CHRNB3: variants seen among roughly 807,000 people sequenced by gnomAD.
CHRNB3 encodes cholinergic receptor nicotinic beta 3 subunit.
Under a neutral mutation model 40.6 loss-of-function variants are expected in CHRNB3, and 37 were observed. The ratio of observed to expected loss-of-function variants is 0.91; its 90% confidence interval spans 0.70 to 1.20. The LOEUF is 1.20. Ranked by LOEUF, CHRNB3 falls within the 50% of genes most tolerant of loss-of-function variation. CHRNB3 has a pLI of 0.00. For missense variants in CHRNB3, 505 were observed against 551.2 expected (o/e 0.92, Z 0.84); for synonymous variants, 207 against 207.1 (o/e 1.00, Z 0.00).
At chr8:42,706,178 G>A (rs900912676) in intron 1 of CHRNB3, among the ~76,000 whole-genome samples, 6 of 152,182 alleles carry the variant, frequency 3.9e-5, no homozygotes, top group Admixed American at 6.5e-5. Context: ...TGGGCTCTCC[G>A]GGTAAGGGTA....
intron 4 of CHRNB3, 70 bp downstream of exon 4, chr8:42,730,773 G>C (rs924456017): frequency 2.1e-6 from 2 of 961,550 alleles, no homozygotes; most frequent in Non-Finnish European, 3.0e-6. Flanking sequence ...AAAAGGCTGG[G>C]CGCGGTGGCT....
chr8:42,725,782 TC>T, intron 3 of CHRNB3: 1 of 894,044 alleles, frequency 1.1e-6, no homozygotes, highest in Non-Finnish European at 1.9e-6. Context: ...CAAAATGAGT[TC>T]CCAGACAGAC....
At chr8:42,698,245 G>T (rs1815711826) in intron 1 of CHRNB3, among the ~76,000 whole-genome samples, 1 of 152,134 alleles carries the variant, frequency 6.6e-6, no homozygotes, top group South Asian at 2.1e-4. Context: ...AAAGAAAGGG[G>T]AATAAAGTAC....
At chr8:42,701,507 G>A (rs1815798051) in intron 1 of CHRNB3, among the ~76,000 whole-genome samples, 1 of 152,084 alleles carries the variant, frequency 6.6e-6, no homozygotes, top group East Asian at 1.9e-4. Context: ...TCATGCCACT[G>A]CACCCCAGCT....
In CHRNB3 at chr8:42,725,860, GT is replaced by G. The variant is rs1308421589; in HGVS notation, c.250-4733del. The G allele has an allele frequency of 3.7e-6, 3 of 812,194 alleles. No homozygotes were observed. In the African/African-American group the frequency reaches 5.0e-5, roughly 14 times the overall value. 50.3% of individuals were successfully genotyped at this position (812,194 alleles called of 1,614,324 possible). On this transcript the variant is annotated intron_variant, in intron 3 of 5. Transcript: ENST00000289957. The stretch of plus-strand genomic sequence containing the variant: ...ACGCAGCATTTTTAGGTTCTGGGGG[GT>G]GACTTTTACAAAGACACCACTAAAA...
At chr8:42,698,945 G>A (rs1815728763) in intron 1 of CHRNB3, among the ~76,000 whole-genome samples, 1 of 152,178 alleles carries the variant, frequency 6.6e-6, no homozygotes, top group East Asian at 1.9e-4. Context: ...CTTGGCCTCT[G>A]GCATTGGTCT....
intron 1 of CHRNB3, among the ~76,000 whole-genome samples, chr8:42,708,087 C>T (rs945490210): frequency 9.2e-5 from 14 of 152,238 alleles, no homozygotes; most frequent in African/African-American, 2.4e-4. Flanking sequence ...AGGTAGGGGT[C>T]GGGGTGGCTG....
chr8:42,701,628 G>A (rs1815802271), intron 1 of CHRNB3, among the ~76,000 whole-genome samples: 1 of 152,146 alleles, frequency 6.6e-6, no homozygotes, highest in Non-Finnish European at 1.5e-5. Context: ...TGTTACTAGG[G>A]ACCTTATCAA....
In CHRNB3 at chr8:42,737,012, A is replaced by G. The variant is rs1227402717; in HGVS notation, c.*394A>G. 1.0e-5 allele frequency: 2 copies of G among 193,364 alleles called. No homozygotes were observed. The highest frequency in any genetic ancestry group is 2.1e-5 in the Non-Finnish European group (2 of 94,930). The allele number at this position is 193,364 out of a possible 1,614,324, so 12.0% of individuals were successfully genotyped here. On this transcript the variant is annotated 3_prime_UTR_variant, in exon 6 of 6. Transcript: ENST00000289957. Reference sequence around the variant, plus strand: ...TGGAATTAAGGAAGTCTCGGTGTCGAGCTATCTGTGTGGGCAGAGCCTGGA... The same window carrying G: ...TGGAATTAAGGAAGTCTCGGTGTCGGGCTATCTGTGTGGGCAGAGCCTGGA...
chr8:42,710,525 G>T, intron 3 of CHRNB3, 91 bp downstream of exon 3: 3 of 1,005,402 alleles, frequency 3.0e-6, no homozygotes, highest in East Asian at 2.5e-5. Context: ...TATTTAAGAG[G>T]GCATATTGTG....
chr8:42,733,682 T>G (rs1447720042), intron 5 of CHRNB3, among the ~76,000 whole-genome samples: 1 of 141,454 alleles, frequency 7.1e-6, no homozygotes, highest in African/African-American at 2.6e-5. Flanking sequence ...AACCTCCGCC[T>G]GCTGGGTTCA....
Position 42,697,613 on chromosome 8 carries a change from C to T in CHRNB3, c.52+15C>T, listed in dbSNP as rs1815699468. On this transcript the variant is annotated intron_variant, in intron 1 of 5. Coordinates refer to ENST00000289957, the MANE Select transcript of CHRNB3 (RefSeq NM_000749.5). ...CCCTTCCTCAGGTAAGCACAAGTCA[C>T]AGTAAATTAAAACTACAGTTGCAGA... 1.2e-6 allele frequency: 2 copies of T among 1,605,022 alleles called. No individual in the cohort carries two copies. The highest frequency in any genetic ancestry group is 8.5e-7 in the Non-Finnish European group (1 of 1,172,120).
In CHRNB3 at chr8:42,732,976, G is replaced by T. The variant is rs1019792326; in HGVS notation, c.1242+427G>T. ...TTTTTAAATTAATATAAAATGTAGT[G>T]TTACAACAGATATTTTGGTGAGGAA... On this transcript the variant is annotated intron_variant, in intron 5 of 5. Transcript: ENST00000289957. 1.3e-4 allele frequency among the ~76,000 whole-genome samples: 19 copies of T among 151,856 alleles called. 1 individual carries two copies. Among genetic ancestry groups the T allele is most frequent in the African/African-American group, 4.4e-4 (18 of 41,304 alleles).
intron 3 of CHRNB3, among the ~76,000 whole-genome samples, chr8:42,711,635 T>C (rs1357997414): frequency 6.6e-6 from 1 of 152,082 alleles, no homozygotes; most frequent in Non-Finnish European, 1.5e-5. Flanking sequence ...CCTCAAGTGA[T>C]CCGCCCACCC....
chr8:42,701,358 T>C (rs961429937), intron 1 of CHRNB3, among the ~76,000 whole-genome samples: 3 of 150,084 alleles, frequency 2.0e-5, no homozygotes, highest in African/African-American at 7.3e-5. Context: ...CTGGACAACA[T>C]AGTGAGAGAC....
At chr8:42,735,033 A>G (rs888150854) in intron 5 of CHRNB3, among the ~76,000 whole-genome samples, 9 of 148,588 alleles carry the variant, frequency 6.1e-5, no homozygotes, top group Admixed American at 4.1e-4. Context: ...ATCCTGGCTA[A>G]CAGGGTGAAA....
chr8:42,717,155 C>A (rs539694748), intron 3 of CHRNB3, among the ~76,000 whole-genome samples: 1 of 148,222 alleles, frequency 6.7e-6, no homozygotes, highest in Non-Finnish European at 1.5e-5. Context: ...GGGCGGATCA[C>A]GAGGTCAGGA....
chr8:42,731,054 CAAAA>C lies in CHRNB3; in HGVS notation c.359+354_359+357del, dbSNP rs869055202. On this transcript the variant is annotated intron_variant, in intron 4 of 5. Coordinates refer to ENST00000289957, the MANE Select transcript of CHRNB3 (RefSeq NM_000749.5). ...TGGGCGACAGAGCGAGACTCCGTCT[CAAAA>C]AATAAATAAATAAATAAATAAATAA... Among the ~76,000 whole-genome samples the C allele has an allele frequency of 6.1e-4, 41 of 66,934 alleles. 4 individuals are homozygous for C. Among genetic ancestry groups the C allele is most frequent in the African/African-American group, 2.3e-3 (38 of 16,380 alleles). The allele number at this position is 66,934 out of a possible 152,430, so 43.9% of individuals were successfully genotyped here.
At position 42,717,390 on chromosome 8, in the gene CHRNB3, A is replaced by AG. The variant is rs1383264905; in HGVS notation, c.249+6956_249+6957insG. Among the ~76,000 whole-genome samples, 8 of 105,820 alleles carry AG rather than the reference A, an allele frequency of 7.6e-5. 2 individuals are homozygous for AG. The highest frequency in any genetic ancestry group is 2.8e-4 in the African/African-American group (8 of 28,136). The allele number at this position is 105,820 out of a possible 152,430, so 69.4% of individuals were successfully genotyped here. On this transcript the variant is annotated intron_variant, in intron 3 of 5. Coordinates refer to ENST00000289957, the MANE Select transcript of CHRNB3 (RefSeq NM_000749.5). ...CTCCGTCTCAAAAAAAAAAAAAAAA[A>AG]AAAAAAAAAAAAAAAGCCGACCTGT...
Sources: allele counts gnomAD v4.1 joint callset (sites outside exome capture counted in the v4.1 genomes callset), GRCh38; gene constraint gnomAD v4.1.1; transcripts MANE v1.5; gene names NCBI Gene and HGNC (gene_info 2026-07-23, HGNC 2026-07-21).